The following ZSWIM4 variants were observed in gnomAD, a reference collection of about 807,000 sequenced individuals.
ZSWIM4 encodes the protein zinc finger SWIM domain-containing protein 4.
Under a neutral mutation model 102.5 loss-of-function variants are expected in ZSWIM4, and 62 were observed. The observed-to-expected ratio is 0.60, with a 90% CI of 0.49 to 0.75. The LOEUF (loss-of-function observed/expected upper bound fraction) is 0.75, where lower values mean the gene tolerates loss of function less well. Ranked by LOEUF, ZSWIM4 falls within the 30% of genes least tolerant of loss-of-function variation. ZSWIM4 has a pLI of 0.00. For missense variants in ZSWIM4, 1,280 were observed against 1,529.6 expected, an observed-to-expected ratio of 0.84 and a Z score of 2.72; for synonymous variants, 652 against 674.5, an observed-to-expected ratio of 0.97 and a Z score of 0.52.
intron 1 of ZSWIM4, among the ~76,000 whole-genome samples, chr19:13,797,916 C>G (rs1974653945): frequency 6.6e-6 from 1 of 152,162 alleles, no homozygotes; most frequent in South Asian, 2.1e-4. Flanking sequence ...GCCTCCCTCC[C>G]AAAGTGTTGG....
chr19:13,813,920 CA>C (rs34407290), intron 6 of ZSWIM4, among the ~76,000 whole-genome samples: 46,425 of 100,330 alleles, frequency 0.46, 10,352 homozygotes, highest in African/African-American at 0.73. Context: ...GACCCTGTCT[CA>C]AAAAAAAAAA....
In ZSWIM4 at chr19:13,825,120, A is replaced by G. The variant is rs538024994; in HGVS notation, c.2216-430A>G. ...AGTGGTGCCATCTCAGCTGACTGCA[A>G]CCTCTGCCTCCCGGGTTCAAGCGAT... On this transcript the variant is annotated intron_variant, in intron 11 of 13. Coordinates refer to ENST00000590508, the MANE Select transcript of ZSWIM4 (RefSeq NM_001367834.3). The surrounding 1 kb of genome is among the most constrained non-coding windows in gnomAD (Gnocchi z 4.6). Among the ~76,000 whole-genome samples, 49 of 151,080 alleles carry G rather than the reference A, an allele frequency of 3.2e-4. No homozygotes were observed. Among genetic ancestry groups the G allele is most frequent in the African/African-American group, 1.2e-3 (48 of 41,098 alleles).
chr19:13,818,031 G>A (rs1975348275), intron 9 of ZSWIM4, 55 bp downstream of exon 9: 11 of 1,433,192 alleles, frequency 7.7e-6, no homozygotes, highest in Non-Finnish European at 8.2e-6. Flanking sequence ...CCAGCCCCTG[G>A]TCCTGTAGCG....
chr19:13,799,298 C>T (rs1161091595), intron 1 of ZSWIM4, among the ~76,000 whole-genome samples: 1 of 134,562 alleles, frequency 7.4e-6, no homozygotes, highest in African/African-American at 2.9e-5. Context: ...TTTCGAGATG[C>T]AGTCTTGCTC....
intron 12 of ZSWIM4, among the ~76,000 whole-genome samples, chr19:13,828,312 G>T (rs945333703): frequency 6.6e-6 from 1 of 152,034 alleles, no homozygotes; most frequent in African/African-American, 2.4e-5. Flanking sequence ...GGGAGCCTGA[G>T]GCAGGAGAAT....
At chr19:13,799,266 T>C (rs1175888215) in intron 1 of ZSWIM4, among the ~76,000 whole-genome samples, 1 of 137,824 alleles carries the variant, frequency 7.3e-6, no homozygotes, top group Non-Finnish European at 1.5e-5. Context: ...ATTTTTTTAT[T>C]TTTTTATCTT....
At chr19:13,805,629 G>A (rs1423102825) in intron 3 of ZSWIM4, among the ~76,000 whole-genome samples, 1 of 151,910 alleles carries the variant, frequency 6.6e-6, no homozygotes, top group Non-Finnish European at 1.5e-5. Context: ...TGAGTAGTAG[G>A]TGGAGGCATG....
intron 10 of ZSWIM4, 84 bp downstream of exon 10, chr19:13,819,576 T>A: frequency 6.7e-7 from 1 of 1,497,078 alleles, no homozygotes. Flanking sequence ...GCCCCACCCA[T>A]CCAGCCTGAA....
In ZSWIM4 at chr19:13,830,896, A is replaced by C. The variant is rs1196484245; in HGVS notation, c.3167A>C (p.Tyr1056Ser). 6.2e-7 allele frequency: 1 copy of C among 1,614,058 alleles called. No individual in the cohort carries two copies. The highest frequency in any genetic ancestry group is 1.1e-5 in the South Asian group (1 of 91,094). Residue 1056 changes from tyrosine to serine, a missense_variant, in exon 14 of 14, where the codon TAT becomes TCT. Tyr to Ser is a moderately radical substitution (Grantham distance 144). Coordinates refer to ENST00000590508, the MANE Select transcript of ZSWIM4 (RefSeq NM_001367834.3). ...CTCACGCACATCAGCCCGCGGCACTATGGGGATTTCATCGAATTCCTGGGC... is the reference window on the plus strand; with the variant it reads ...CTCACGCACATCAGCCCGCGGCACTCTGGGGATTTCATCGAATTCCTGGGC... ...SRLTHISPRH[Y>S]GDFIEFLGKA... is the part of the protein sequence containing the mutation.
In ZSWIM4 at chr19:13,809,672, A is replaced by G. The variant is rs8112131; in HGVS notation, c.1012+452A>G. Among the ~76,000 whole-genome samples the G allele has an allele frequency of 0.018, 2,767 of 152,110 alleles. 80 individuals carry two copies. Among genetic ancestry groups the G allele is most frequent in the African/African-American group, 0.064 (2,639 of 41,470 alleles). On this transcript the variant is annotated intron_variant, in intron 5 of 13. Transcript: ENST00000590508. The surrounding 1 kb of genome is among the most constrained non-coding windows in gnomAD (Gnocchi z 4.2). ...AATTTTTAATTTTTTGAAGAGACAG[A>G]GTCTCACTATCTTGCCAAGTCTGGT...
rs533578233 is a variant in ZSWIM4 at position 13,797,952 on chromosome 19, C to T, written c.154-1768C>T. ...AATTACAGGCATGAGCCACCGCACC[C>T]GGACGTATCTTATAATGTTTTAAGA... On this transcript the variant is annotated intron_variant, in intron 1 of 13. Transcript: ENST00000590508. Among the ~76,000 whole-genome samples, 32 of 152,306 alleles carry T rather than the reference C, an allele frequency of 2.1e-4. 1 individual carries two copies. The highest frequency in any genetic ancestry group is 6.3e-4 in the African/African-American group (26 of 41,570).
chr19:13,830,278 C>T lies in ZSWIM4; in HGVS notation c.2549C>T (p.Thr850Ile), dbSNP rs754397427. The T allele has an allele frequency of 2.5e-6, 4 of 1,613,934 alleles. No individual in the cohort carries two copies. The highest frequency in any genetic ancestry group is 3.4e-6 in the Non-Finnish European group (4 of 1,180,026). The change falls in exon 14 of 14, where the codon ACC becomes ATC. Residue 850 changes from threonine to isoleucine, a missense_variant. Coordinates refer to ENST00000590508, the MANE Select transcript of ZSWIM4 (RefSeq NM_001367834.3). ...EAATIVAVTG[T>I]THATLLRLQL... ...GCTACCATCGTGGCAGTGACGGGCA[C>T]CACACACGCCACTCTGCTGCGACTG...
At chr19:13,828,576 T>C in intron 12 of ZSWIM4, 69 bp from the exon 13 acceptor site, 1 of 1,437,982 alleles carries the variant, frequency 7.0e-7, no homozygotes. Flanking sequence ...GTCCTCCATC[T>C]CCCAACGCCC....
rs976402339 is a variant in ZSWIM4, at chr19:13,812,817, C to T, written c.1013-180C>T. ...ACCAGCGGTGTGACCCTGTGCAAGCCGTGTTATGTCTCTGTGCCTCAGTTT... is the reference window on the plus strand; with the variant it reads ...ACCAGCGGTGTGACCCTGTGCAAGCTGTGTTATGTCTCTGTGCCTCAGTTT... On this transcript the variant is annotated intron_variant, in intron 5 of 13. Transcript: ENST00000590508. Among the ~76,000 whole-genome samples the T allele has an allele frequency of 1.2e-4, 19 of 152,002 alleles. 1 individual carries two copies. The highest frequency in any genetic ancestry group is 4.1e-4 in the African/African-American group (17 of 41,392).
chr19:13,809,280 C>A lies in ZSWIM4; in HGVS notation c.1012+60C>A. 6.5e-7 allele frequency: 1 copy of A among 1,528,728 alleles called. No individual in the cohort carries two copies. The highest frequency in any genetic ancestry group is 8.8e-7 in the Non-Finnish European group (1 of 1,141,936). 94.7% of individuals were successfully genotyped at this position (1,528,728 alleles called of 1,614,324 possible). ...GGACTTCGGCTCCCATGGGGGCTGGCCCACTCCAAGATTAGGGTCTGTTCC... is the reference window on the plus strand; with the variant it reads ...GGACTTCGGCTCCCATGGGGGCTGGACCACTCCAAGATTAGGGTCTGTTCC... On this transcript the variant is annotated intron_variant, in intron 5 of 13. Coordinates refer to ENST00000590508, the MANE Select transcript of ZSWIM4 (RefSeq NM_001367834.3). The surrounding 1 kb of genome is among the most constrained non-coding windows in gnomAD (Gnocchi z 4.2).
rs73511515 is a variant in ZSWIM4, at chr19:13,805,170, G to A, written c.712+22G>A. On this transcript the variant is annotated intron_variant, in intron 3 of 13. Coordinates refer to ENST00000590508, the MANE Select transcript of ZSWIM4 (RefSeq NM_001367834.3). Reference sequence around the variant, plus strand: ...AATGGTAAGGGCACCCCGGGGGTCCGGTGGGGAGAGGATGCCCAAGCGCAC... The same window carrying A: ...AATGGTAAGGGCACCCCGGGGGTCCAGTGGGGAGAGGATGCCCAAGCGCAC... 6,729 of 1,574,794 alleles carry A rather than the reference G, an allele frequency of 4.3e-3. 228 individuals are homozygous for A. In the African/African-American group the frequency reaches 0.076, roughly 18 times the overall value.
At position 13,825,121 on chromosome 19, in the gene ZSWIM4, C is replaced by G. The variant is rs549065070; in HGVS notation, c.2216-429C>G. Among the ~76,000 whole-genome samples the G allele has an allele frequency of 6.6e-6, 1 of 151,324 alleles. No individual in the cohort carries two copies. The highest frequency in any genetic ancestry group is 1.5e-5 in the Non-Finnish European group (1 of 67,912). On this transcript the variant is annotated intron_variant, in intron 11 of 13. Transcript: ENST00000590508. The surrounding 1 kb of genome is among the most constrained non-coding windows in gnomAD (Gnocchi z 4.6). The stretch of plus-strand genomic sequence containing the variant: ...GTGGTGCCATCTCAGCTGACTGCAA[C>G]CTCTGCCTCCCGGGTTCAAGCGATT...
chr19:13,817,856 C>T lies in ZSWIM4; in HGVS notation c.1804C>T (p.Leu602=). ...LGQQRALPEG[L]YAQDKVVRNE... is the part of the protein sequence containing the mutation. ...GCAGCAGCGGGCCCTGCCGGAGGGG[C>T]TGTACGCCCAGGACAAGGTGGTGCG... is the stretch of plus-strand genomic sequence containing the variant. Residue 602 remains leucine (L), a synonymous_variant, in exon 9 of 14, where the codon CTG becomes TTG. Transcript: ENST00000590508. 6.4e-7 allele frequency: 1 copy of T among 1,558,894 alleles called. No individual in the cohort carries two copies. The highest frequency in any genetic ancestry group is 8.7e-7 in the Non-Finnish European group (1 of 1,151,248).
chr19:13,809,551 C>T lies in ZSWIM4; in HGVS notation c.1012+331C>T, dbSNP rs1338628934. On this transcript the variant is annotated intron_variant, in intron 5 of 13. Coordinates refer to ENST00000590508, the MANE Select transcript of ZSWIM4 (RefSeq NM_001367834.3). This position sits in a 1 kb window ranked among gnomAD's most constrained non-coding sequence, Gnocchi z 4.2. Reference sequence around the variant, plus strand: ...AGGCTGGCGTGCAGTGGCACAATCTCGGCTGACTGCAACCTCTGCCTCCCG... The same window carrying T: ...AGGCTGGCGTGCAGTGGCACAATCTTGGCTGACTGCAACCTCTGCCTCCCG... Among the ~76,000 whole-genome samples, 2 of 152,196 alleles carry T rather than the reference C, an allele frequency of 1.3e-5. No individual in the cohort carries two copies. Among genetic ancestry groups the T allele is most frequent in the Admixed American group, 6.5e-5 (1 of 15,272 alleles).
Sources: gnomAD v4.1 joint callset for allele counts (sites outside exome capture counted in the v4.1 genomes callset) on GRCh38, gnomAD v4.1.1 for gene constraint, Gnocchi (gnomAD v3.1) non-coding constraint, MANE v1.5 for transcripts, NCBI Gene and HGNC (gene_info 2026-07-23, HGNC 2026-07-21) for gene names.